The following CP variants were observed in gnomAD, a reference collection of about 807,000 sequenced individuals.
The protein encoded by CP is caeruloplasmin.
A neutral mutation model predicts 122.4 loss-of-function variants in CP; 64 were observed. That is an observed-to-expected ratio of 0.52 (90% CI 0.43 to 0.64). CP has a LOEUF of 0.64. Among genes scored for constraint, CP ranks in the 30% least tolerant of loss-of-function variants. CP has a pLI of 0.00. For synonymous variants in CP, 440 were observed against 436.4 expected, an observed-to-expected ratio of 1.01 and a Z score of -0.10; for missense variants, 1,167 against 1,284.4, an observed-to-expected ratio of 0.91 and a Z score of 1.40.
At chr3:149,168,705 T>C (rs1724678734), downstream of CP, among the ~76,000 whole-genome samples, 1 of 152,176 alleles carries the variant, frequency 6.6e-6, no homozygotes, top group Non-Finnish European at 1.5e-5. Flanking sequence ...TGTATGCTTG[T>C]GATTGGGAAG....
At chr3:149,168,844 T>C (rs921844586), downstream of CP, among the ~76,000 whole-genome samples, 1 of 152,144 alleles carries the variant, frequency 6.6e-6, no homozygotes, top group Non-Finnish European at 1.5e-5. Flanking sequence ...TATCACTGAC[T>C]GTTTGTGTTA....
At chr3:149,165,048 C>G (rs1467527459) in intron 5 of CP, among the ~76,000 whole-genome samples, 1 of 152,160 alleles carries the variant, frequency 6.6e-6, no homozygotes, top group Non-Finnish European at 1.5e-5. Flanking sequence ...CCAGAGATGG[C>G]ATTATTTATG....
At chr3:149,201,206 C>T (rs1727285923) in intron 7 of CP, among the ~76,000 whole-genome samples, 1 of 152,116 alleles carries the variant, frequency 6.6e-6, no homozygotes, top group Admixed American at 6.5e-5. Flanking sequence ...TCACTGTAAG[C>T]TCCGCCTCCC....
intron 4 of CP, chr3:149,166,961 A>C: frequency 2.5e-6 from 3 of 1,183,312 alleles, no homozygotes; most frequent in Middle Eastern, 4.9e-4. Context: ...AGTCTTAAGA[A>C]ATTGAATTCT....
chr3:149,213,700 G>C (rs893858794), intron 1 of CP, among the ~76,000 whole-genome samples: 1 of 150,424 alleles, frequency 6.6e-6, no homozygotes, highest in Admixed American at 6.6e-5. Flanking sequence ...ATTGATCTTT[G>C]ATACTTTACC....
Position 149,186,601 on chromosome 3 carries a change from G to GAT in CP, c.1994_1995dup (p.Leu666IlefsTer45). 1 of 1,614,194 alleles carries GAT rather than the reference G, an allele frequency of 6.2e-7. No individual in the cohort carries two copies. The highest frequency in any genetic ancestry group is 8.5e-7 in the Non-Finnish European group (1 of 1,180,026). On this transcript the variant is annotated frameshift_variant, in exon 11 of 19. Coordinates refer to ENST00000264613, the MANE Select transcript of CP (RefSeq NM_000096.4). LOFTEE classifies it high-confidence loss of function. ...GTGTCTCTCCGTTCTCCTCTCCACA[G>GAT]ATATGTGTTTCCTGAAAAGTATATT...
In CP at chr3:149,183,530, A is replaced by G. The variant is rs1275661822; in HGVS notation, c.2361T>C (p.Tyr787=). The G allele has an allele frequency of 3.7e-6, 6 of 1,611,350 alleles. No individual in the cohort carries two copies. The South Asian group carries it at 4.4e-5, about 12-fold the overall frequency. Residue 787 remains tyrosine (Y), a synonymous_variant, in exon 13 of 19, where the codon TAT becomes TAC. Coordinates refer to ENST00000264613, the MANE Select transcript of CP (RefSeq NM_000096.4). The stretch of plus-strand genomic sequence containing the variant: ...CTGGAACACGGAATGTGCTATCAGT[A>G]TACTGCCGATACACAACTTTCTTGT... ...SKYKKVVYRQ[Y]TDSTFRVPVE...
intron 1 of CP, among the ~76,000 whole-genome samples, chr3:149,216,120 CAT>C (rs1467175092): frequency 2.0e-5 from 3 of 152,260 alleles, no homozygotes; most frequent in African/African-American, 7.2e-5. Flanking sequence ...TTAATTGAGA[CAT>C]ATATTTTTTA....
rs771573991 is a variant in CP, at chr3:149,163,925, T to C, written c.*14-1050A>G. On this transcript the variant is annotated intron_variant, in intron 5 of 5. Transcript: ENST00000479771. ...CTGATTCTTTAGCTGATAAAAATTATACAGAAGATCTTTCAAAATTACAGG... is the reference window on the plus strand; with the variant it reads ...CTGATTCTTTAGCTGATAAAAATTACACAGAAGATCTTTCAAAATTACAGG... 11 of 1,544,380 alleles carry C rather than the reference T, an allele frequency of 7.1e-6. No homozygotes were observed. In the African/African-American group the frequency reaches 1.1e-4, roughly 15 times the overall value.
intron 9 of CP, among the ~76,000 whole-genome samples, chr3:149,195,891 T>C (rs1428362761): frequency 2.7e-5 from 4 of 149,034 alleles, no homozygotes; most frequent in Non-Finnish European, 4.5e-5. Context: ...GAATAAACTA[T>C]AAAGCCAAAA....
At chr3:149,169,597 C>T (rs915528918), downstream of CP, among the ~76,000 whole-genome samples, 9 of 152,186 alleles carry the variant, frequency 5.9e-5, no homozygotes, top group African/African-American at 2.2e-4. Flanking sequence ...GGTCTCTACT[C>T]ATTAGATGCC....
At chr3:149,188,289 C>T (rs889560479) in intron 9 of CP, 87 bp from the exon 10 acceptor site, 1 of 1,132,926 alleles carries the variant, frequency 8.8e-7, no homozygotes, top group South Asian at 1.4e-5. Flanking sequence ...CACAAACACA[C>T]CTAAAGGAAA....
intron 4 of CP, among the ~76,000 whole-genome samples, chr3:149,166,718 A>G (rs535181246): frequency 6.6e-6 from 1 of 152,304 alleles, no homozygotes; most frequent in South Asian, 2.1e-4. Flanking sequence ...TTTAACCACA[A>G]TGTTGATTAT....
chr3:149,172,318 TCACACA>T (rs113015797), downstream of CP: 1,003 of 571,810 alleles, frequency 1.8e-3, 1 homozygote, highest in African/African-American at 6.0e-3. Context: ...ATTTTATATA[TCACACA>T]CACACACACA....
At chr3:149,184,270 C>T (rs35216818) in intron 12 of CP, among the ~76,000 whole-genome samples, 15,868 of 151,782 alleles carry the variant, frequency 0.1, 2,362 homozygotes, top group African/African-American at 0.34. Context: ...CCCCTGACCT[C>T]GTGATCCGCC....
chr3:149,184,226 G>A (rs1040106081), intron 12 of CP, among the ~76,000 whole-genome samples: 7 of 151,198 alleles, frequency 4.6e-5, no homozygotes, highest in African/African-American at 1.5e-4. Flanking sequence ...TAGTAGAGAC[G>A]GGGTTTCACC....
chr3:149,196,755 C>A (rs1023175446), intron 9 of CP, among the ~76,000 whole-genome samples: 3 of 45,816 alleles, frequency 6.5e-5, no homozygotes, highest in East Asian at 1.6e-3. Context: ...AATTGAGAAG[C>A]CTTTGATTAA....
intron 17 of CP, among the ~76,000 whole-genome samples, chr3:149,177,517 T>C (rs796121087): frequency 2.0e-5 from 3 of 152,340 alleles, no homozygotes; most frequent in African/African-American, 7.2e-5. Flanking sequence ...ATTTAACTTA[T>C]GCACATCCTT....
At chr3:149,163,675 A>G (rs112017963) in intron 5 of CP, among the ~76,000 whole-genome samples, 37 of 152,314 alleles carry the variant, frequency 2.4e-4, no homozygotes, top group African/African-American at 8.7e-4. Context: ...AGACTGAAAT[A>G]TTTTCCAGGG....
Sources: allele counts gnomAD v4.1 joint callset (sites outside exome capture counted in the v4.1 genomes callset), GRCh38; gene constraint gnomAD v4.1.1; transcripts MANE v1.5; gene names NCBI Gene and HGNC (gene_info 2026-07-23, HGNC 2026-07-21).